Variants in MTUS2 observed in about 807,000 individuals in gnomAD.
MTUS2 encodes the protein microtubule-associated tumor suppressor candidate 2.
MTUS2 carries 40 observed loss-of-function variants against 114.1 expected under a neutral mutation model. The ratio of observed to expected loss-of-function variants is 0.35; its 90% CI spans 0.27 to 0.46. The LOEUF (loss-of-function observed/expected upper bound fraction) is 0.46, where lower values mean the gene tolerates loss of function less well. Among genes scored for constraint, MTUS2 ranks in the 20% least tolerant of loss-of-function variants. MTUS2 has a pLI of 1.00. For missense variants in MTUS2, 1,679 were observed against 1,705.4 expected (o/e 0.98, Z 0.27); for synonymous variants, 688 against 672.0 (o/e 1.02, Z -0.37).
intron 6 of MTUS2, among the ~76,000 whole-genome samples, chr13:29,313,775 C>T (rs888619587): frequency 1.5e-4 from 23 of 152,124 alleles, no homozygotes; most frequent in South Asian, 2.1e-4. Flanking sequence ...AATTTTACAA[C>T]GCTGGGGAAA....
At chr13:29,237,405 C>G (rs1896573201) in intron 5 of MTUS2, among the ~76,000 whole-genome samples, 4 of 152,108 alleles carry the variant, frequency 2.6e-5, no homozygotes, top group African/African-American at 9.7e-5. Flanking sequence ...TAAGAGGGCT[C>G]TAGTTTTCTT....
intron 2 of MTUS2, among the ~76,000 whole-genome samples, chr13:28,956,179 T>G (rs1019292629): frequency 6.6e-6 from 1 of 151,846 alleles, no homozygotes; most frequent in Non-Finnish European, 1.5e-5. Flanking sequence ...CATTCCTGAG[T>G]TACTTCACTT....
rs1329463819 is a variant in MTUS2, at chr13:29,487,974, C to A, written c.3474C>A (p.Ile1158=). Residue 1158 remains isoleucine, a synonymous_variant, in exon 11 of 16, where the codon ATC becomes ATA. Coordinates refer to ENST00000612955, the MANE Select transcript of MTUS2 (RefSeq NM_001033602.4). The stretch of plus-strand genomic sequence containing the variant: ...ATAACCACACAGTTGCCATCACAAT[C>A]CTGCAGGATGACCACGACCACAAAG... ...MENNHTVAIT[I]LQDDHDHKVQ... is the part of the protein sequence containing the mutation. 1 of 1,614,126 alleles carries A rather than the reference C, an allele frequency of 6.2e-7. No homozygotes were observed. The highest frequency in any genetic ancestry group is 8.5e-7 in the Non-Finnish European group (1 of 1,180,034).
intron 5 of MTUS2, among the ~76,000 whole-genome samples, chr13:29,121,633 G>T (rs940847371): frequency 2.6e-5 from 4 of 151,380 alleles, no homozygotes; most frequent in African/African-American, 7.3e-5. Flanking sequence ...TGCTCTGCTA[G>T]TCACTCACAC....
At chr13:28,960,159 G>T (rs1883257281) in intron 2 of MTUS2, among the ~76,000 whole-genome samples, 1 of 152,130 alleles carries the variant, frequency 6.6e-6, no homozygotes, top group Non-Finnish European at 1.5e-5. Context: ...TTAGGAAAAT[G>T]CAAATCAAAA....
At chr13:29,383,252 G>GTGTGTGTGTGTGTGTGTGTGTGTATT (rs5802519) in intron 8 of MTUS2, among the ~76,000 whole-genome samples, 8 of 135,916 alleles carry the variant, frequency 5.9e-5, no homozygotes, top group Non-Finnish European at 3.1e-5. Context: ...GTGTGTGTGT[G>GTGTGTGTGTGTGTGTGTGTGTGTATT]TATTTATTTT....
At chr13:29,158,847 G>A (rs968810598) in intron 5 of MTUS2, among the ~76,000 whole-genome samples, 3 of 152,158 alleles carry the variant, frequency 2.0e-5, no homozygotes, top group African/African-American at 7.2e-5. Flanking sequence ...GAAGGAGCGG[G>A]GATGGAACCA....
chr13:29,119,169 A>G (rs951920631), intron 5 of MTUS2, among the ~76,000 whole-genome samples: 1 of 152,194 alleles, frequency 6.6e-6, no homozygotes, highest in African/African-American at 2.4e-5. Flanking sequence ...CATTTAAGGA[A>G]ATCTAAACTC....
intron 5 of MTUS2, among the ~76,000 whole-genome samples, chr13:29,137,374 G>A (rs1892023398): frequency 6.6e-6 from 1 of 151,894 alleles, no homozygotes. Flanking sequence ...CCTGCTTCTT[G>A]GATGTTTATA....
intron 8 of MTUS2, among the ~76,000 whole-genome samples, chr13:29,374,832 A>G (rs1176919097): frequency 3.3e-5 from 5 of 152,188 alleles, no homozygotes; most frequent in Non-Finnish European, 7.4e-5. Context: ...AGGCTGAGAC[A>G]GGAGAATCAC....
At chr13:29,251,432 ATTAC>A (rs1463005610) in intron 5 of MTUS2, among the ~76,000 whole-genome samples, 1 of 152,198 alleles carries the variant, frequency 6.6e-6, no homozygotes, top group Non-Finnish European at 1.5e-5. Flanking sequence ...AAAAACCTCA[ATTAC>A]TTTCACACCA....
chr13:29,162,101 G>A (rs1475967219), intron 5 of MTUS2, among the ~76,000 whole-genome samples: 3 of 152,066 alleles, frequency 2.0e-5, no homozygotes, highest in African/African-American at 4.8e-5. Flanking sequence ...TATTCACAGA[G>A]GTCCCTTCTC....
chr13:29,296,235 C>G (rs952253383), intron 6 of MTUS2, among the ~76,000 whole-genome samples: 11 of 151,494 alleles, frequency 7.3e-5, no homozygotes, highest in African/African-American at 2.7e-4. Flanking sequence ...GTTTGTGAGA[C>G]AGGGTCTCAC....
intron 2 of MTUS2, among the ~76,000 whole-genome samples, chr13:28,894,287 G>GA (rs1879106088): frequency 3.4e-5 from 1 of 29,496 alleles, no homozygotes; most frequent in African/African-American, 2.3e-4. Context: ...GGTGGGGGGG[G>GA]GGGAGAGAGA....
At chr13:29,130,633 T>G (rs891721153) in intron 5 of MTUS2, among the ~76,000 whole-genome samples, 2 of 152,142 alleles carry the variant, frequency 1.3e-5, no homozygotes, top group Non-Finnish European at 2.9e-5. Context: ...TTTATTTATT[T>G]TATTTATTTT....
intron 5 of MTUS2, among the ~76,000 whole-genome samples, chr13:29,281,419 CTGTGTGTGTGTG>C (rs10682778): frequency 2.7e-5 from 4 of 146,548 alleles, no homozygotes; most frequent in Non-Finnish European, 4.5e-5. Flanking sequence ...GTATGTATGT[CTGTGTGTGTGTG>C]TGTGTGTGTG....
chr13:28,856,099 G>C (rs754964731), intron 2 of MTUS2, among the ~76,000 whole-genome samples: 12 of 152,144 alleles, frequency 7.9e-5, no homozygotes, highest in Non-Finnish European at 1.3e-4. Flanking sequence ...TTCTCTTTAA[G>C]AAACAGAAGA....
At chr13:29,343,874 GA>G (rs1868407802) in intron 7 of MTUS2, among the ~76,000 whole-genome samples, 1 of 152,056 alleles carries the variant, frequency 6.6e-6, no homozygotes, top group South Asian at 2.1e-4. Flanking sequence ...TTGGTTCAAA[GA>G]ATTTTTAAAT....
At chr13:29,168,540 C>T (rs1893413735) in intron 5 of MTUS2, among the ~76,000 whole-genome samples, 1 of 152,094 alleles carries the variant, frequency 6.6e-6, no homozygotes, top group African/African-American at 2.4e-5. Flanking sequence ...GAGCAAAGGT[C>T]GGCATTCACA....
Sources: allele counts gnomAD v4.1 joint callset (sites outside exome capture counted in the v4.1 genomes callset), GRCh38; gene constraint gnomAD v4.1.1; transcripts MANE v1.5; gene names NCBI Gene and HGNC (gene_info 2026-07-23, HGNC 2026-07-21).